The following SNRPN variants were observed in gnomAD, a reference collection of about 807,000 sequenced individuals.
The protein encoded by SNRPN is small nuclear ribonucleoprotein-associated protein N.
In SNRPN, 7 loss-of-function variants were observed where a neutral mutation model predicts 25.2. The observed-to-expected ratio is 0.28, with a 90% CI of 0.16 to 0.52. The LOEUF (loss-of-function observed/expected upper bound fraction) is 0.52. Ranked by LOEUF, SNRPN falls within the 20% of genes least tolerant of loss-of-function variation. SNRPN has a pLI of 0.96. For missense variants in SNRPN, 196 were observed against 322.5 expected (o/e 0.61, Z 3.00); for synonymous variants, 124 against 110.6 (o/e 1.12, Z -0.76).
upstream of SNRPN, among the ~76,000 whole-genome samples, chr15:24,952,435 T>G (rs148750968): frequency 3.9e-5 from 6 of 152,302 alleles, no homozygotes; most frequent in East Asian, 1.2e-3. Context: ...TGGAGTTTAG[T>G]GGCAATGTCT....
At chr15:24,917,420 A>G (rs753147565) in intron 2 of SNRPN, among the ~76,000 whole-genome samples, 7 of 152,198 alleles carry the variant, frequency 4.6e-5, no homozygotes, top group African/African-American at 9.6e-5. Context: ...CCTGAAGAGG[A>G]GAATTTAGTA....
chr15:24,965,396 G>GT (rs780148548), intron 2 of SNRPN, among the ~76,000 whole-genome samples: 11 of 152,132 alleles, frequency 7.2e-5, no homozygotes, highest in African/African-American at 1.9e-4. Flanking sequence ...AATCAGCCGG[G>GT]TGTGGTAGTG....
chr15:24,939,934 C>T (rs1284756855), intron 3 of SNRPN, among the ~76,000 whole-genome samples: 4 of 151,828 alleles, frequency 2.6e-5, no homozygotes, highest in Admixed American at 1.3e-4. Flanking sequence ...GGATTACAGA[C>T]GTGTACCACC....
At chr15:24,973,364 C>T (rs1227140904) in intron 3 of SNRPN, among the ~76,000 whole-genome samples, 1 of 152,158 alleles carries the variant, frequency 6.6e-6, no homozygotes, top group Non-Finnish European at 1.5e-5. Context: ...AAATGCATTT[C>T]TCCTAATGTG....
intron 1 of SNRPN, among the ~76,000 whole-genome samples, chr15:24,959,253 ATG>A (rs950805366): frequency 6.6e-6 from 1 of 152,162 alleles, no homozygotes; most frequent in Non-Finnish European, 1.5e-5. Context: ...AGATAAATGC[ATG>A]TGTGTGTGTA....
chr15:24,945,410 A>G (rs2061819717), intron 3 of SNRPN, among the ~76,000 whole-genome samples: 1 of 147,854 alleles, frequency 6.8e-6, no homozygotes, highest in African/African-American at 2.5e-5. Context: ...GCATATCACT[A>G]TGCCTGTAAT....
intron 2 of SNRPN, among the ~76,000 whole-genome samples, chr15:24,830,200 T>C (rs2050402960): frequency 6.6e-6 from 1 of 152,098 alleles, no homozygotes; most frequent in Non-Finnish European, 1.5e-5. Flanking sequence ...TTATTCATGG[T>C]TAATGCATTT....
At chr15:24,906,009 A>G (rs3863393) in intron 2 of SNRPN, among the ~76,000 whole-genome samples, 25,639 of 152,242 alleles carry the variant, frequency 0.17, 2,246 homozygotes, top group South Asian at 0.28. Flanking sequence ...CTATAACAAA[A>G]GACATATTAA....
At chr15:24,878,736 T>G (rs569259295) in intron 1 of SNRPN, among the ~76,000 whole-genome samples, 2 of 152,292 alleles carry the variant, frequency 1.3e-5, no homozygotes, top group East Asian at 1.9e-4. Context: ...CCTCTCAATA[T>G]TAACAATTTT....
intron 1 of SNRPN, among the ~76,000 whole-genome samples, chr15:24,857,637 G>A (rs1264183904): frequency 6.6e-6 from 1 of 151,712 alleles, no homozygotes; most frequent in Non-Finnish European, 1.5e-5. Context: ...TGGTCATCTG[G>A]GTCGATGTCT....
chr15:24,858,021 T>C (rs2053583902), intron 1 of SNRPN, among the ~76,000 whole-genome samples: 1 of 152,060 alleles, frequency 6.6e-6, no homozygotes, highest in Admixed American at 6.6e-5. Context: ...TTGATCTGGG[T>C]GGTATCAGCT....
chr15:24,857,071 A>G (rs12232335), intron 1 of SNRPN, among the ~76,000 whole-genome samples: 20,052 of 152,206 alleles, frequency 0.13, 1,736 homozygotes, highest in East Asian at 0.36. Flanking sequence ...GTGAGGCACA[A>G]GATCACATAT....
intron 2 of SNRPN, chr15:24,912,408 G>C (rs1219731164): frequency 6.6e-6 from 1 of 152,178 alleles, no homozygotes; most frequent in Non-Finnish European, 1.5e-5. Flanking sequence ...TGTACCTTGA[G>C]CATCACCTAT....
chr15:24,837,648 C>T (rs967696061), intron 2 of SNRPN, among the ~76,000 whole-genome samples: 12 of 151,910 alleles, frequency 7.9e-5, no homozygotes, highest in Middle Eastern at 3.4e-3. Context: ...GGATTACAGG[C>T]GTGAGCCACC....
At chr15:24,873,066 T>C (rs1458583812) in intron 1 of SNRPN, among the ~76,000 whole-genome samples, 1 of 120,480 alleles carries the variant, frequency 8.3e-6, no homozygotes, top group African/African-American at 2.9e-5. Context: ...AATCCCATAA[T>C]CCAACTTTGT....
chr15:24,883,448 C>A (rs1177754049), intron 1 of SNRPN, among the ~76,000 whole-genome samples: 2 of 152,072 alleles, frequency 1.3e-5, no homozygotes, highest in Non-Finnish European at 2.9e-5. Context: ...GGCTCAGGGC[C>A]AGTTTTATAA....
chr15:24,942,802 C>G (rs2061636534), intron 3 of SNRPN, among the ~76,000 whole-genome samples: 1 of 152,076 alleles, frequency 6.6e-6, no homozygotes, highest in Non-Finnish European at 1.5e-5. Context: ...AGATTGGGCA[C>G]TCAGTGGTGG....
At chr15:24,870,988 A>C (rs4906927) in intron 1 of SNRPN, among the ~76,000 whole-genome samples, 84,080 of 151,352 alleles carry the variant, frequency 0.56, 23,928 homozygotes, top group Middle Eastern at 0.71. Flanking sequence ...TCCAGCAATT[A>C]TCTTGCTTCA....
At chr15:24,977,106 A>C (rs2077144732) in intron 7 of SNRPN, 77 bp downstream of exon 7, 1 of 1,190,624 alleles carries the variant, frequency 8.4e-7, no homozygotes, top group Non-Finnish European at 1.2e-6. Context: ...TAAAAACCTA[A>C]GTGTATGTGT....
Sources: allele counts gnomAD v4.1 joint callset (sites outside exome capture counted in the v4.1 genomes callset), GRCh38; gene constraint gnomAD v4.1.1; transcripts MANE v1.5; gene names NCBI Gene and HGNC (gene_info 2026-07-23, HGNC 2026-07-21).